BCKDHB: variants seen among roughly 807,000 people sequenced by gnomAD.
The protein encoded by BCKDHB is branched chain keto acid dehydrogenase E1 subunit beta.
BCKDHB carries 41 observed loss-of-function variants against 48.5 expected under a neutral mutation model. The observed-to-expected ratio is 0.85, with a 90% CI of 0.66 to 1.10. The LOEUF is 1.10. Ranked by LOEUF, BCKDHB falls within the 50% of genes least tolerant of loss-of-function variation. BCKDHB has a pLI of 0.00. For synonymous variants in BCKDHB, 201 were observed against 174.8 expected, an observed-to-expected ratio of 1.15 and a Z score of -1.18; for missense variants, 496 against 494.2, an observed-to-expected ratio of 1.00 and a Z score of -0.03.
At chr6:80,133,199 A>C (rs1315920980) in intron 3 of BCKDHB, among the ~76,000 whole-genome samples, 1 of 152,218 alleles carries the variant, frequency 6.6e-6, no homozygotes, top group Non-Finnish European at 1.5e-5. Context: ...AACTGCTGCA[A>C]AGCATTTTAT....
chr6:80,447,243 A>G, the BCKDHB span, among the ~76,000 whole-genome samples: 1 of 152,218 alleles, frequency 6.6e-6, no homozygotes, highest in South Asian at 2.1e-4. Flanking sequence ...CTGCCTTATT[A>G]TATACTGTTA....
chr6:80,179,049 G>T (rs893710408), intron 6 of BCKDHB, among the ~76,000 whole-genome samples: 10 of 151,940 alleles, frequency 6.6e-5, no homozygotes, highest in African/African-American at 2.4e-4. Flanking sequence ...TCGAGACAGG[G>T]TCTCCCTCTG....
rs189910725 is a variant in BCKDHB, at chr6:80,295,181, G to A, written c.1038+21960G>A. Reference sequence around the variant, plus strand: ...GAAAGAACTACATTGATATATTGGGGGTGGGTTCCCTCGATATACTGGTAT... The same window carrying A: ...GAAAGAACTACATTGATATATTGGGAGTGGGTTCCCTCGATATACTGGTAT... On this transcript the variant is annotated intron_variant, in intron 9 of 9. Transcript: ENST00000320393. Among the ~76,000 whole-genome samples, 413 of 152,176 alleles carry A rather than the reference G, an allele frequency of 2.7e-3. 1 individual carries two copies. The highest frequency in any genetic ancestry group is 9.2e-3 in the African/African-American group (380 of 41,518).
At chr6:80,184,137 G>A (rs1773536169) in intron 6 of BCKDHB, among the ~76,000 whole-genome samples, 1 of 152,162 alleles carries the variant, frequency 6.6e-6, no homozygotes, top group Admixed American at 6.5e-5. Context: ...TCCAGTGTTA[G>A]ATGCATATTA....
chr6:80,450,053 G>A, the BCKDHB span, among the ~76,000 whole-genome samples: 1 of 151,966 alleles, frequency 6.6e-6, no homozygotes, highest in African/African-American at 2.4e-5. Flanking sequence ...AGTCTTCTTG[G>A]TCCCAAGTTG....
chr6:80,200,853 A>G (rs1156461565), intron 6 of BCKDHB, 81 bp from the exon 7 acceptor site: 1 of 1,115,508 alleles, frequency 9.0e-7, no homozygotes, highest in Admixed American at 1.8e-5. Context: ...GCTTTGCTAC[A>G]GTGAGCTTCT....
intron 6 of BCKDHB, among the ~76,000 whole-genome samples, chr6:80,179,327 C>T (rs1181665697): frequency 1.3e-5 from 2 of 151,996 alleles, no homozygotes; most frequent in Non-Finnish European, 2.9e-5. Context: ...CTGTGGGTTC[C>T]AGAGCCATAA....
the BCKDHB span, chr6:80,356,952 G>GCCCCCGC: frequency 3.4e-3 from 306 of 90,334 alleles, no homozygotes; most frequent in Middle Eastern, 5.6e-3. Context: ...CCCCGCCCCC[G>GCCCCCGC]CCCCCCCCCC....
the BCKDHB span, among the ~76,000 whole-genome samples, chr6:80,456,574 A>G: frequency 2.0e-5 from 3 of 152,248 alleles, no homozygotes; most frequent in Non-Finnish European, 4.4e-5. Flanking sequence ...AAAGCCTTCA[A>G]GATTCAAAGT....
intron 9 of BCKDHB, among the ~76,000 whole-genome samples, chr6:80,282,845 TTCTC>T (rs1294370426): frequency 6.6e-6 from 1 of 152,160 alleles, no homozygotes; most frequent in Admixed American, 6.5e-5. Context: ...ATGTAGATGT[TTCTC>T]TCACATGACA....
chr6:80,107,883 A>G (rs1454529751), intron 1 of BCKDHB, among the ~76,000 whole-genome samples: 2 of 152,250 alleles, frequency 1.3e-5, no homozygotes, highest in East Asian at 3.9e-4. Flanking sequence ...GTCTCTCTTC[A>G]GAATATCAGG....
At chr6:80,214,904 G>A (rs1775099807) in intron 8 of BCKDHB, among the ~76,000 whole-genome samples, 1 of 152,030 alleles carries the variant, frequency 6.6e-6, no homozygotes, top group South Asian at 2.1e-4. Flanking sequence ...AAAATTATAT[G>A]TCTTCTTGAC....
chr6:80,230,716 C>G (rs1008435221), intron 8 of BCKDHB, among the ~76,000 whole-genome samples: 1 of 152,114 alleles, frequency 6.6e-6, no homozygotes, highest in Non-Finnish European at 1.5e-5. Flanking sequence ...GGTTGAGGTG[C>G]CTGCATCTGG....
intron 6 of BCKDHB, among the ~76,000 whole-genome samples, chr6:80,187,628 C>A (rs1769017965): frequency 2.6e-5 from 4 of 152,154 alleles, no homozygotes; most frequent in African/African-American, 9.6e-5. Flanking sequence ...AACAAACTTA[C>A]AACCCAAAAA....
chr6:80,117,474 A>G (rs1487235039), intron 1 of BCKDHB, among the ~76,000 whole-genome samples: 1 of 152,238 alleles, frequency 6.6e-6, no homozygotes, highest in Non-Finnish European at 1.5e-5. Flanking sequence ...TTTGTTGGGA[A>G]TAGGCCCCCA....
the BCKDHB span, among the ~76,000 whole-genome samples, chr6:80,365,779 A>G: frequency 2.0e-5 from 3 of 152,330 alleles, no homozygotes; most frequent in East Asian, 5.8e-4. Flanking sequence ...GTAAGAAATT[A>G]TAAAAGTATT....
At chr6:80,288,854 T>C (rs117603824) in intron 9 of BCKDHB, among the ~76,000 whole-genome samples, 2,365 of 152,264 alleles carry the variant, frequency 0.016, 25 homozygotes, top group Non-Finnish European at 0.023. Context: ...TGATTTTCAT[T>C]GCCTGGTCTT....
the BCKDHB span, among the ~76,000 whole-genome samples, chr6:80,388,749 A>G: frequency 4.6e-5 from 7 of 152,276 alleles, no homozygotes; most frequent in Non-Finnish European, 8.8e-5. Flanking sequence ...GGAATAGAAT[A>G]CTAGGTCCTG....
chr6:80,276,168 C>A (rs627240), intron 9 of BCKDHB, among the ~76,000 whole-genome samples: 69,659 of 151,644 alleles, frequency 0.46, 16,326 homozygotes, highest in African/African-American at 0.54. Context: ...GAAATGAAAA[C>A]AATGTTTGCT....
Sources: allele counts gnomAD v4.1 joint callset (sites outside exome capture counted in the v4.1 genomes callset), GRCh38; gene constraint gnomAD v4.1.1; transcripts MANE v1.5; gene names NCBI Gene and HGNC (gene_info 2026-07-23, HGNC 2026-07-21).